The following CACNA2D3 variants were observed in gnomAD, a reference collection of about 807,000 sequenced individuals.
The protein encoded by CACNA2D3 is calcium voltage-gated channel auxiliary subunit alpha2delta 3.
A neutral mutation model predicts 160.6 loss-of-function variants in CACNA2D3; 60 were observed. The ratio of observed to expected loss-of-function variants is 0.37; its 90% CI spans 0.30 to 0.46. CACNA2D3 has a LOEUF of 0.46. Among genes scored for constraint, CACNA2D3 ranks in the 20% least tolerant of loss-of-function variants. The probability of loss-of-function intolerance (pLI) is 1.00; values close to 1 mark genes in which losing one functional copy is unlikely to be tolerated. For synonymous variants in CACNA2D3, 558 were observed against 492.9 expected (o/e 1.13, Z -1.75); for missense variants, 1,205 against 1,365.0 (o/e 0.88, Z 1.85).
intron 27 of CACNA2D3, among the ~76,000 whole-genome samples, chr3:54,912,615 T>C (rs1317926503): frequency 6.6e-6 from 1 of 152,062 alleles, no homozygotes. Context: ...CTCAAATATT[T>C]TCTCAGCAGG....
intron 25 of CACNA2D3, among the ~76,000 whole-genome samples, chr3:54,895,964 A>G (rs1314049248): frequency 6.6e-6 from 1 of 152,232 alleles, no homozygotes; most frequent in Admixed American, 6.5e-5. Flanking sequence ...ATGATTGTGC[A>G]GGCCAAAAAA....
chr3:54,762,343 A>G (rs892145252), intron 12 of CACNA2D3, among the ~76,000 whole-genome samples: 1 of 152,168 alleles, frequency 6.6e-6, no homozygotes, highest in Non-Finnish European at 1.5e-5. Flanking sequence ...GCTGGACACC[A>G]TCTTTAATCC....
intron 4 of CACNA2D3, among the ~76,000 whole-genome samples, chr3:54,411,530 A>G (rs1163097687): frequency 6.6e-6 from 1 of 152,202 alleles, no homozygotes; most frequent in African/African-American, 2.4e-5. Context: ...GATCATTAGC[A>G]TTTTGTATCA....
At chr3:54,192,105 CTT>C (rs1168605044) in intron 2 of CACNA2D3, among the ~76,000 whole-genome samples, 4 of 138,972 alleles carry the variant, frequency 2.9e-5, no homozygotes, top group Admixed American at 1.4e-4. Context: ...GGATGCAGTG[CTT>C]TTTTTTTTTT....
intron 17 of CACNA2D3, among the ~76,000 whole-genome samples, chr3:54,862,096 G>T (rs567184590): frequency 6.6e-6 from 1 of 152,148 alleles, no homozygotes; most frequent in Non-Finnish European, 1.5e-5. Flanking sequence ...TTGGTAGTCG[G>T]AACATGGCTG....
intron 2 of CACNA2D3, among the ~76,000 whole-genome samples, chr3:54,289,688 T>C (rs889552174): frequency 1.3e-5 from 2 of 152,198 alleles, no homozygotes; most frequent in Non-Finnish European, 2.9e-5. Flanking sequence ...CAAAACAGCA[T>C]GGTAGTGGTA....
At chr3:54,836,792 C>T (rs1017747565) in intron 14 of CACNA2D3, among the ~76,000 whole-genome samples, 7 of 151,978 alleles carry the variant, frequency 4.6e-5, no homozygotes, top group East Asian at 1.9e-4. Flanking sequence ...ATTTAGATTA[C>T]GGAGAAGCAC....
At chr3:54,500,594 CTCTTTT>C (rs554345565) in intron 4 of CACNA2D3, among the ~76,000 whole-genome samples, 84 of 144,002 alleles carry the variant, frequency 5.8e-4, no homozygotes, top group African/African-American at 2.1e-3. Context: ...TTCTTTCTTT[CTCTTTT>C]TCTTTCCTTA....
intron 27 of CACNA2D3, among the ~76,000 whole-genome samples, chr3:54,949,272 A>G (rs1400446096): frequency 1.3e-5 from 2 of 152,178 alleles, no homozygotes; most frequent in Admixed American, 1.3e-4. Context: ...CACATGCCAC[A>G]TGGACTGGAA....
At chr3:54,826,091 G>C (rs1054646527) in intron 14 of CACNA2D3, among the ~76,000 whole-genome samples, 1 of 152,160 alleles carries the variant, frequency 6.6e-6, no homozygotes, top group Non-Finnish European at 1.5e-5. Flanking sequence ...TTATTTTAAA[G>C]AAGCAACTGC....
chr3:54,822,649 C>T (rs149721033), intron 14 of CACNA2D3, among the ~76,000 whole-genome samples: 8 of 152,328 alleles, frequency 5.3e-5, no homozygotes, highest in Admixed American at 2.0e-4. Context: ...CATATAGGCA[C>T]TCCAGCCGAA....
At chr3:55,027,728 T>A (rs1310345031) in intron 35 of CACNA2D3, among the ~76,000 whole-genome samples, 1 of 152,142 alleles carries the variant, frequency 6.6e-6, no homozygotes, top group African/African-American at 2.4e-5. Context: ...TGGTGAAAAT[T>A]ATAGTATTTC....
intron 4 of CACNA2D3, 142 bp downstream of exon 4, chr3:54,386,916 A>G: frequency 1.4e-6 from 1 of 726,332 alleles, no homozygotes; most frequent in Admixed American, 3.0e-5. Flanking sequence ...AATCTTTGAC[A>G]GGATTCTTAA....
At chr3:54,940,254 T>C (rs916051473) in intron 27 of CACNA2D3, among the ~76,000 whole-genome samples, 2 of 152,186 alleles carry the variant, frequency 1.3e-5, no homozygotes, top group Non-Finnish European at 2.9e-5. Flanking sequence ...ACTGCAACTA[T>C]TTTCTACTTA....
intron 2 of CACNA2D3, among the ~76,000 whole-genome samples, chr3:54,288,841 A>C (rs983260993): frequency 6.6e-6 from 1 of 152,016 alleles, no homozygotes; most frequent in Admixed American, 6.6e-5. Context: ...ATCTCAATAG[A>C]TGCAGAAAAG....
chr3:55,007,507 G>A (rs1703123586), intron 32 of CACNA2D3, among the ~76,000 whole-genome samples: 1 of 152,164 alleles, frequency 6.6e-6, no homozygotes, highest in South Asian at 2.1e-4. Flanking sequence ...TTTAAGCATC[G>A]GGTGCTGAAC....
At chr3:54,285,101 G>A (rs997534860) in intron 2 of CACNA2D3, among the ~76,000 whole-genome samples, 4 of 152,182 alleles carry the variant, frequency 2.6e-5, no homozygotes, top group South Asian at 2.1e-4. Flanking sequence ...TGGGTGCAGC[G>A]CACCGTGCGC....
chr3:54,411,736 G>A (rs1228850663), intron 4 of CACNA2D3, among the ~76,000 whole-genome samples: 3 of 152,090 alleles, frequency 2.0e-5, no homozygotes, highest in Non-Finnish European at 4.4e-5. Flanking sequence ...TCTGAGGTAT[G>A]CCCATATTCA....
Position 54,837,223 on chromosome 3 carries a change from A to C in CACNA2D3, c.1463A>C (p.Asn488Thr). The C allele has an allele frequency of 6.2e-7, 1 of 1,613,884 alleles. No individual in the cohort carries two copies. Among genetic ancestry groups the C allele is most frequent in the Non-Finnish European group, 8.5e-7 (1 of 1,179,782 alleles). Residue 488 changes from asparagine to threonine, a missense_variant, in exon 15 of 38, where the codon AAC becomes ACC. Transcript: ENST00000474759. ...GCCATGCCTGTGTTTAGTAAGCAGA[A>C]CGAAACCGTGAGTACAGTCGCTGAG... The part of the protein sequence containing the change: ...TVAMPVFSKQ[N>T]ETRSKGILLG...
Sources: allele counts gnomAD v4.1 joint callset (sites outside exome capture counted in the v4.1 genomes callset), GRCh38; gene constraint gnomAD v4.1.1; transcripts MANE v1.5; gene names NCBI Gene and HGNC (gene_info 2026-07-23, HGNC 2026-07-21).